The following ODAD2 variants were observed in gnomAD, a reference collection of about 807,000 sequenced individuals.
ODAD2 encodes outer dynein arm-docking complex subunit 2.
A neutral mutation model predicts 106.8 loss-of-function variants in ODAD2; 89 were observed. The ratio of observed to expected loss-of-function variants is 0.83; its 90% CI spans 0.70 to 0.99. ODAD2 has a LOEUF of 0.99. Among genes scored for constraint, ODAD2 ranks in the 50% least tolerant of loss-of-function variants. ODAD2 has a pLI of 0.00. For synonymous variants in ODAD2, 404 were observed against 436.2 expected, an observed-to-expected ratio of 0.93 and a Z score of 0.92; for missense variants, 1,168 against 1,238.5, an observed-to-expected ratio of 0.94 and a Z score of 0.85.
At chr10:27,982,120 C>G (rs1407956665) in intron 6 of ODAD2, among the ~76,000 whole-genome samples, 3 of 152,126 alleles carry the variant, frequency 2.0e-5, no homozygotes, top group Non-Finnish European at 4.4e-5. Context: ...TTCCTTTCCT[C>G]ATTTTCCTTT....
rs370547662 is a variant in ODAD2, at chr10:27,936,850, C to G, written c.2128G>C (p.Val710Leu). The G allele has an allele frequency of 1.2e-6, 2 of 1,612,560 alleles. No individual in the cohort carries two copies. Among genetic ancestry groups the G allele is most frequent in the Non-Finnish European group, 1.7e-6 (2 of 1,179,520 alleles). The change falls in exon 15 of 20, where the codon GTT (valine) becomes CTT (leucine). Residue 710 changes from valine to leucine, a missense_variant. Transcript: ENST00000305242. The part of the protein sequence containing the change: ...CAEDKETRDL[V>L]RLHGGLKPLA... ...GGCTTAAGTCCTCCGTGCAGCCTAACGAGGTCCCGGGTTTCCTTATCTTCA... is the reference window on the plus strand; with the variant it reads ...GGCTTAAGTCCTCCGTGCAGCCTAAGGAGGTCCCGGGTTTCCTTATCTTCA...
rs1241519985 is a variant in ODAD2 at position 27,999,063 on chromosome 10, C to T, written c.-108G>A. The T allele has an allele frequency of 6.6e-6, 1 of 152,484 alleles. No homozygotes were observed. Among genetic ancestry groups the T allele is most frequent in the African/African-American group, 2.4e-5 (1 of 41,470 alleles). The allele number at this position is 152,484 out of a possible 1,614,324, so 9.4% of individuals were successfully genotyped here. ...TTGCACCGTATGCCCGCGCCAGAGACGCTCTGCGCCCGCGCTGGGTTCCAC... is the reference window on the plus strand; with the variant it reads ...TTGCACCGTATGCCCGCGCCAGAGATGCTCTGCGCCCGCGCTGGGTTCCAC... On this transcript the variant is annotated 5_prime_UTR_variant, in exon 1 of 20. Transcript: ENST00000305242.
intron 19 of ODAD2, among the ~76,000 whole-genome samples, chr10:27,850,540 GA>G (rs1286820016): frequency 6.6e-6 from 1 of 150,886 alleles, no homozygotes; most frequent in Non-Finnish European, 1.5e-5. Flanking sequence ...CTGGGTGACA[GA>G]GCGAGACTCT....
chr10:27,915,455 G>A lies in ODAD2; in HGVS notation c.2496-7678C>T, dbSNP rs1844293442. ...GCTCTCCGGGGACTCTTTTAAAAGG[G>A]CATTAATTTCATTTATGAGGCCTCT... On this transcript the variant is annotated intron_variant, in intron 16 of 19. Transcript: ENST00000305242. Among the ~76,000 whole-genome samples the A allele has an allele frequency of 2.6e-5, 4 of 152,048 alleles. No homozygotes were observed. In the South Asian group the frequency reaches 8.3e-4, roughly 32 times the overall value.
intron 19 of ODAD2, among the ~76,000 whole-genome samples, chr10:27,842,008 C>G (rs909763002): frequency 2.6e-5 from 4 of 152,136 alleles, no homozygotes; most frequent in African/African-American, 9.7e-5. Flanking sequence ...TACCCTATGG[C>G]CGCTGAACAA....
intron 19 of ODAD2, among the ~76,000 whole-genome samples, chr10:27,852,513 C>A (rs754562177): frequency 4.6e-5 from 7 of 151,814 alleles, no homozygotes; most frequent in Non-Finnish European, 8.8e-5. Flanking sequence ...AAAGCAATCA[C>A]TAAATGACAA....
At chr10:27,905,140 G>C (rs1843496104) in intron 17 of ODAD2, 1 of 213,366 alleles carries the variant, frequency 4.7e-6, no homozygotes, top group African/African-American at 2.3e-5. Context: ...GATAAGAAGA[G>C]AAAGGGCCAA....
At chr10:27,910,351 A>G (rs535079807) in intron 16 of ODAD2, among the ~76,000 whole-genome samples, 11 of 152,248 alleles carry the variant, frequency 7.2e-5, no homozygotes, top group African/African-American at 2.6e-4. Flanking sequence ...CCTTCATGGT[A>G]TTAAACCTGC....
In ODAD2 at chr10:27,906,404, C is replaced by T. The variant is rs185521537; in HGVS notation, c.2610+1259G>A. ...GTGGAGAAATAGGAATGCTTTTACACTGTTGGTGGGAGTGTAAATTAGTTC... is the reference window on the plus strand; with the variant it reads ...GTGGAGAAATAGGAATGCTTTTACATTGTTGGTGGGAGTGTAAATTAGTTC... On this transcript the variant is annotated intron_variant, in intron 17 of 19. Transcript: ENST00000305242. Among the ~76,000 whole-genome samples the T allele has an allele frequency of 2.6e-3, 401 of 152,304 alleles. 3 individuals are homozygous for T. The highest frequency in any genetic ancestry group is 9.2e-3 in the African/African-American group (383 of 41,576).
At chr10:27,864,646 G>A (rs1644275086) in intron 17 of ODAD2, among the ~76,000 whole-genome samples, 1 of 151,382 alleles carries the variant, frequency 6.6e-6, no homozygotes, top group South Asian at 2.1e-4. Context: ...GGAGTGGGGT[G>A]ATAGTGGGCT....
chr10:27,868,689 A>G (rs1270958768), intron 17 of ODAD2, among the ~76,000 whole-genome samples: 1 of 152,016 alleles, frequency 6.6e-6, no homozygotes, highest in East Asian at 1.9e-4. Context: ...TGGGGCACGG[A>G]GGGAGGGAGA....
Position 27,935,136 on chromosome 10 carries a change from C to T in ODAD2, c.2369G>A (p.Arg790Gln), listed in dbSNP as rs776992489. 2.3e-5 allele frequency: 37 copies of T among 1,613,854 alleles called. No individual in the cohort carries two copies. Among genetic ancestry groups the T allele is most frequent in the Admixed American group, 6.7e-5 (4 of 59,974 alleles). The change falls in exon 16 of 20, where the codon CGA becomes CAA. Residue 790 changes from arginine to glutamine, a missense_variant. Coordinates refer to ENST00000305242, the MANE Select transcript of ODAD2 (RefSeq NM_018076.5). ...GCCACCACATTTCCGGACAATGACT[C>T]GGTTTTCACGTTCTTGGCAGCATTC... is the stretch of plus-strand genomic sequence containing the variant. ...LGECCQEREN[R>Q]VIVRKCGGIQ...
chr10:27,901,340 G>A (rs921006220), intron 17 of ODAD2, among the ~76,000 whole-genome samples: 37 of 152,086 alleles, frequency 2.4e-4, no homozygotes, highest in Non-Finnish European at 2.9e-4. Context: ...GAAAAACCGG[G>A]ACCAGCCACT....
At chr10:27,933,016 G>A (rs545981183) in intron 16 of ODAD2, among the ~76,000 whole-genome samples, 1 of 152,138 alleles carries the variant, frequency 6.6e-6, no homozygotes, top group Non-Finnish European at 1.5e-5. Flanking sequence ...AGTACTTTGG[G>A]AGGCTGAGGC....
intron 19 of ODAD2, among the ~76,000 whole-genome samples, chr10:27,852,976 A>G (rs886684552): frequency 2.6e-4 from 40 of 151,754 alleles, no homozygotes; most frequent in Admixed American, 3.9e-4. Flanking sequence ...AAAAAAAAAA[A>G]AAAAGAAAAG....
intron 9 of ODAD2, among the ~76,000 whole-genome samples, chr10:27,964,153 C>T (rs769786133): frequency 2.0e-5 from 3 of 152,178 alleles, no homozygotes; most frequent in Non-Finnish European, 4.4e-5. Flanking sequence ...ACCTGGAAGG[C>T]AGAGGTTGCA....
chr10:27,890,509 TCG>T, intron 17 of ODAD2, among the ~76,000 whole-genome samples: 1 of 152,314 alleles, frequency 6.6e-6, no homozygotes, highest in East Asian at 1.9e-4. Flanking sequence ...GCAATGCTTT[TCG>T]TTGTAAGTTA....
At chr10:27,837,358 G>A (rs1837973966) in intron 19 of ODAD2, among the ~76,000 whole-genome samples, 2 of 152,168 alleles carry the variant, frequency 1.3e-5, no homozygotes, top group South Asian at 4.1e-4. Flanking sequence ...TATGCAAAAT[G>A]GAATGAATGA....
chr10:27,893,922 G>T (rs1842712725), intron 17 of ODAD2, among the ~76,000 whole-genome samples: 1 of 152,142 alleles, frequency 6.6e-6, no homozygotes, highest in Non-Finnish European at 1.5e-5. Context: ...GGCCGAGGTG[G>T]GTGGATCACC....
Sources: gnomAD v4.1 joint callset for allele counts (sites outside exome capture counted in the v4.1 genomes callset) on GRCh38, gnomAD v4.1.1 for gene constraint, MANE v1.5 for transcripts, NCBI Gene and HGNC (gene_info 2026-07-23, HGNC 2026-07-21) for gene names.